The following LAMA1 variants were observed in gnomAD, a reference collection of about 807,000 sequenced individuals.
LAMA1 encodes laminin subunit alpha-1.
LAMA1 carries 219 observed loss-of-function variants against 348.7 expected under a neutral mutation model. That is an observed-to-expected ratio of 0.63 (90% confidence interval 0.56 to 0.70). LAMA1 has a LOEUF of 0.70. Among genes scored for constraint, LAMA1 ranks in the 30% least tolerant of loss-of-function variants. The probability of loss-of-function intolerance (pLI) is 0.00; values close to 1 mark genes in which losing one functional copy is unlikely to be tolerated. For synonymous variants in LAMA1, 1,487 were observed against 1,491.0 expected (o/e 1.00, Z 0.06); for missense variants, 3,744 against 3,888.0 (o/e 0.96, Z 0.99).
At chr18:6,975,451 C>A (rs541778950) in intron 45 of LAMA1, among the ~76,000 whole-genome samples, 4 of 152,346 alleles carry the variant, frequency 2.6e-5, no homozygotes, top group Non-Finnish European at 4.4e-5. Context: ...GACTTGCATG[C>A]ACTTTGCATC....
At chr18:7,042,381 G>A in intron 8 of LAMA1, 131 bp from the exon 9 acceptor site, 2 of 678,976 alleles carry the variant, frequency 2.9e-6, no homozygotes, top group Non-Finnish European at 5.4e-6. Context: ...TGGGGGTGGG[G>A]GTTAGGTTTG....
chr18:7,053,777 A>T (rs2058070928), intron 3 of LAMA1, among the ~76,000 whole-genome samples: 1 of 137,562 alleles, frequency 7.3e-6, no homozygotes, highest in African/African-American at 3.2e-5. Context: ...CCCTCATTAG[A>T]GGATTTTTTT....
At chr18:7,031,157 CTG>C (rs767868864) in intron 16 of LAMA1, among the ~76,000 whole-genome samples, 9 of 152,200 alleles carry the variant, frequency 5.9e-5, no homozygotes, top group Non-Finnish European at 1.0e-4. Context: ...TTCCCTAACT[CTG>C]TGACTCAGTC....
chr18:7,078,248 C>G (rs182703258), intron 3 of LAMA1, among the ~76,000 whole-genome samples: 3,675 of 149,770 alleles, frequency 0.025, 51 homozygotes, highest in Middle Eastern at 0.042. Flanking sequence ...CTCACTGCAA[C>G]CTCTGCCTCC....
At chr18:7,016,393 T>A in intron 21 of LAMA1, 98 bp downstream of exon 21, 1 of 1,305,612 alleles carries the variant, frequency 7.7e-7, no homozygotes, top group Non-Finnish European at 1.1e-6. Flanking sequence ...AGAGAAAAAG[T>A]AAAGGCACTT....
chr18:7,047,900 A>C (rs1305454466), intron 5 of LAMA1, among the ~76,000 whole-genome samples: 1 of 152,186 alleles, frequency 6.6e-6, no homozygotes, highest in Non-Finnish European at 1.5e-5. Flanking sequence ...AATGAATTAT[A>C]GATGTAAAAG....
At chr18:7,038,662 G>T in intron 11 of LAMA1, 148 bp downstream of exon 11, 1 of 1,030,236 alleles carries the variant, frequency 9.7e-7, no homozygotes, top group Non-Finnish European at 1.5e-6. Flanking sequence ...GAGGCAGACG[G>T]CTGCCTTTGA....
intron 12 of LAMA1, 60 bp from the exon 13 acceptor site, chr18:7,036,148 T>G: frequency 3.4e-6 from 4 of 1,192,334 alleles, no homozygotes; most frequent in Non-Finnish European, 5.0e-6. Context: ...AACAATCAAG[T>G]AAGAGGAAGT....
chr18:7,026,246 A>G, intron 16 of LAMA1, 140 bp from the exon 17 acceptor site: 1 of 941,840 alleles, frequency 1.1e-6, no homozygotes, highest in East Asian at 2.6e-5. Context: ...TATATGAGGA[A>G]GGCCTCCTGT....
At chr18:7,004,366 T>A (rs1018160571) in intron 29 of LAMA1, among the ~76,000 whole-genome samples, 1 of 152,184 alleles carries the variant, frequency 6.6e-6, no homozygotes, top group Non-Finnish European at 1.5e-5. Context: ...TCACTTTTTT[T>A]TTTGAGGTGG....
At position 7,036,055 on chromosome 18, in the gene LAMA1, C is replaced by A. The variant is rs954888376; in HGVS notation, c.1771G>T (p.Val591Leu). ...GTCTCTACCGGAATATCGTAGGACA[C>A]CGTGTATTTCAGGAATCCGCCAAAC... ...TAFGGFLKYT[V>L]SYDIPVETVD... The change falls in exon 13 of 63, where the codon GTG becomes TTG. Residue 591 changes from valine (V) to leucine (L), a missense_variant. Physicochemically the swap from Val to Leu is conservative, Grantham distance 32. Transcript: ENST00000389658. The A allele has an allele frequency of 3.7e-6, 6 of 1,614,020 alleles. No individual in the cohort carries two copies. The highest frequency in any genetic ancestry group is 1.3e-5 in the African/African-American group (1 of 74,918).
At position 6,964,648 on chromosome 18, in the gene LAMA1, G is replaced by T. The variant is rs1046232941; in HGVS notation, c.7337+14C>A. 1.9e-6 allele frequency: 3 copies of T among 1,613,958 alleles called. No homozygotes were observed. In the African/African-American group the frequency reaches 4.0e-5, roughly 22 times the overall value. On this transcript the variant is annotated intron_variant, in intron 51 of 62. Transcript: ENST00000389658. ...TGGAAATCAGCGACATGAAAATTCT[G>T]CAGTTTAATATACCTTACAACTCTT...
intron 42 of LAMA1, among the ~76,000 whole-genome samples, chr18:6,979,857 C>T (rs1014875918): frequency 7.2e-5 from 11 of 152,176 alleles, no homozygotes; most frequent in Admixed American, 2.6e-4. Flanking sequence ...CAAGATCGCG[C>T]CACTGCACTC....
intron 3 of LAMA1, among the ~76,000 whole-genome samples, chr18:7,051,876 C>A (rs1267851492): frequency 6.6e-6 from 1 of 152,072 alleles, no homozygotes; most frequent in Non-Finnish European, 1.5e-5. Context: ...CAGTTTCTTA[C>A]AAAACTAAAC....
At chr18:7,057,471 CTTTTTTTTTTTTTTT>C (rs552843703) in intron 3 of LAMA1, among the ~76,000 whole-genome samples, 1 of 90,808 alleles carries the variant, frequency 1.1e-5, no homozygotes, top group Non-Finnish European at 2.5e-5. Context: ...CTTTTCTTTT[CTTTTTTTTTTTTTTT>C]TTTTTTGAGA....
rs369412537 is a variant in LAMA1 at position 7,059,461 on chromosome 18, A to G, written c.346-8525T>C. On this transcript the variant is annotated intron_variant, in intron 3 of 62. Coordinates refer to ENST00000389658, the MANE Select transcript of LAMA1 (RefSeq NM_005559.4). ...AATGCACATAAACAGTGTCACATAAATAAAGTAGGCACACATCAAACGCCA... is the reference window on the plus strand; with the variant it reads ...AATGCACATAAACAGTGTCACATAAGTAAAGTAGGCACACATCAAACGCCA... 4.3e-4 allele frequency among the ~76,000 whole-genome samples: 66 copies of G among 152,332 alleles called. 1 individual carries two copies. The Middle Eastern group carries it at 0.017, about 39-fold the overall frequency.
At chr18:7,034,449 G>GT in intron 14 of LAMA1, 30 bp downstream of exon 14, 2 of 1,530,928 alleles carry the variant, frequency 1.3e-6, no homozygotes, top group Non-Finnish European at 1.8e-6. Flanking sequence ...TACCTTCACC[G>GT]TAAGTTTTTC....
At chr18:7,112,572 C>T (rs1387950887) in intron 1 of LAMA1, among the ~76,000 whole-genome samples, 1 of 151,446 alleles carries the variant, frequency 6.6e-6, no homozygotes, top group Non-Finnish European at 1.5e-5. Context: ...CATTTCATAC[C>T]ATAAATGTGG....
At position 7,080,355 on chromosome 18, in the gene LAMA1, TG is replaced by T; in HGVS notation, c.163del (p.His55MetfsTer32). On this transcript the variant is annotated frameshift_variant, in exon 2 of 63. Coordinates refer to ENST00000389658, the MANE Select transcript of LAMA1 (RefSeq NM_005559.4). LOFTEE classifies it high-confidence loss of function. Reference sequence around the variant, plus strand: ...GTTTCGGACGGGCCGACCTGGCACATGCTCCACAAGTTTGCAGAACATCTCC... The same window carrying T: ...GTTTCGGACGGGCCGACCTGGCACATCTCCACAAGTTTGCAGAACATCTCC... Reference protein sequence around the residue: ...GPEMFCKLVEHVPGRPVRNPQ... With the variant: ...GPEMFCKLVEXVPGRPVRNPQ... 1 of 1,614,256 alleles carries T rather than the reference TG, an allele frequency of 6.2e-7. No homozygotes were observed. The highest frequency in any genetic ancestry group is 8.5e-7 in the Non-Finnish European group (1 of 1,180,050).
Sources: allele counts gnomAD v4.1 joint callset (sites outside exome capture counted in the v4.1 genomes callset), GRCh38; gene constraint gnomAD v4.1.1; transcripts MANE v1.5; gene names NCBI Gene and HGNC (gene_info 2026-07-23, HGNC 2026-07-21).